The following NRP1 variants were observed in gnomAD, a reference collection of about 807,000 sequenced individuals.
The protein encoded by NRP1 is neuropilin 1, also known as neuropilin-1.
Under a neutral mutation model 106.7 loss-of-function variants are expected in NRP1, and 35 were observed. The ratio of observed to expected loss-of-function variants is 0.33; its 90% confidence interval spans 0.25 to 0.43. The LOEUF (loss-of-function observed/expected upper bound fraction) is 0.43, where lower values mean the gene tolerates loss of function less well. Among genes scored for constraint, NRP1 ranks in the 20% least tolerant of loss-of-function variants. NRP1 has a pLI of 1.00. For synonymous variants in NRP1, 437 were observed against 417.9 expected (o/e 1.05, Z -0.56); for missense variants, 1,024 against 1,170.4 (o/e 0.87, Z 1.83).
intron 2 of NRP1, among the ~76,000 whole-genome samples, chr10:33,308,102 A>T (rs554257510): frequency 1.2e-3 from 181 of 152,310 alleles, no homozygotes; most frequent in Non-Finnish European, 2.2e-3. Flanking sequence ...ATCCTAAATG[A>T]ACTAGTGCAC....
rs540732069 is a variant in NRP1, at chr10:33,178,088, CA to C, written c.*1987del. 22 of 152,528 alleles carry C rather than the reference CA, an allele frequency of 1.4e-4. No individual in the cohort carries two copies. The highest frequency in any genetic ancestry group is 4.1e-4 in the African/African-American group (17 of 41,500). The allele number at this position is 152,528 out of a possible 1,614,324, so 9.4% of individuals were successfully genotyped here. A position where few individuals can be genotyped will look rare whatever the true frequency, so the allele number is the denominator to read the frequency against. ...TCAACTAAATGAATGTCTCTGGGGA[CA>C]AAAAACTATTCTTCTTTCATGGTGA... On this transcript the variant is annotated 3_prime_UTR_variant, in exon 17 of 17. Transcript: ENST00000374867.
In NRP1 at chr10:33,216,230, C is replaced by T. The variant is rs545260946; in HGVS notation, c.1283-2513G>A. ...TTGGCTCACTGCAAGCTCCACCTCC[C>T]GGGTTCACGCCATTCTCCTGCCTCA... On this transcript the variant is annotated intron_variant, in intron 8 of 16. Coordinates refer to ENST00000374867, the MANE Select transcript of NRP1 (RefSeq NM_003873.7). 1.4e-4 allele frequency among the ~76,000 whole-genome samples: 21 copies of T among 150,132 alleles called. No homozygotes were observed. The South Asian group carries it at 3.0e-3, about 21-fold the overall frequency.
chr10:33,263,608 G>A, intron 4 of NRP1, 38 bp downstream of exon 4: 6 of 1,515,238 alleles, frequency 4.0e-6, no homozygotes, highest in South Asian at 1.1e-5. Flanking sequence ...CCTTCCTCCA[G>A]AACCTTCCCT....
chr10:33,254,680 T>C (rs1054229383), intron 5 of NRP1, among the ~76,000 whole-genome samples: 2 of 152,234 alleles, frequency 1.3e-5, no homozygotes, highest in African/African-American at 4.8e-5. Context: ...GATTCTACTA[T>C]TGGCACCCAG....
intron 6 of NRP1, among the ~76,000 whole-genome samples, chr10:33,230,489 C>T (rs1358908415): frequency 6.6e-6 from 1 of 152,192 alleles, no homozygotes; most frequent in Non-Finnish European, 1.5e-5. Flanking sequence ...TTCTCCCCCT[C>T]TACTCTACCA....
chr10:33,195,688 T>C lies in NRP1; in HGVS notation c.1924+1962A>G, dbSNP rs530534160. The stretch of plus-strand genomic sequence containing the variant: ...ATGCTCAAGTCCCCATGCAATATTC[T>C]GGGCATTGACTTAGCCAGAAGGTGA... On this transcript the variant is annotated intron_variant, in intron 12 of 16. Coordinates refer to ENST00000374867, the MANE Select transcript of NRP1 (RefSeq NM_003873.7). 353 of 424,524 alleles carry C rather than the reference T, an allele frequency of 8.3e-4. 3 individuals are homozygous for C. The highest frequency in any genetic ancestry group is 1.4e-3 in the Non-Finnish European group (301 of 209,812). 26.3% of individuals were successfully genotyped at this position (424,524 alleles called of 1,614,324 possible).
rs1225080937 is a variant in NRP1 at position 33,221,883 on chromosome 10, G to A, written c.1138-20C>T. 3.8e-6 allele frequency: 6 copies of A among 1,588,922 alleles called. No individual in the cohort carries two copies. The East Asian group carries it at 1.4e-4, about 36-fold the overall frequency. On this transcript the variant is annotated intron_variant, in intron 7 of 16. Coordinates refer to ENST00000374867, the MANE Select transcript of NRP1 (RefSeq NM_003873.7). ...AAAGAGCTGTATGGGGAAAAAAAGT[G>A]CCTTTCTTTAGCAGAGGTTTTGGAT...
At chr10:33,205,413 G>T (rs1030858040) in intron 10 of NRP1, 1 of 152,242 alleles carries the variant, frequency 6.6e-6, no homozygotes, top group African/African-American at 2.4e-5. Flanking sequence ...ATTGCCTGCT[G>T]CCTAGACAAG....
intron 4 of NRP1, among the ~76,000 whole-genome samples, chr10:33,257,579 T>C (rs7098579): frequency 0.55 from 84,281 of 152,038 alleles, 24,608 homozygotes; most frequent in African/African-American, 0.74. Context: ...GAGCCAGGAT[T>C]GCACCACTGC....
In NRP1 at chr10:33,179,032, G is replaced by C. The variant is rs887243752; in HGVS notation, c.*1044C>G. 3 of 152,600 alleles carry C rather than the reference G, an allele frequency of 2.0e-5. No individual in the cohort carries two copies. The highest frequency in any genetic ancestry group is 2.9e-5 in the Non-Finnish European group (2 of 68,044). 9.5% of individuals were successfully genotyped at this position (152,600 alleles called of 1,614,324 possible). ...AGAGATAGGAGAGAGAAAGAGAAGA[G>C]AGTTTACATTTGAAAATACATTCCA... On this transcript the variant is annotated 3_prime_UTR_variant, in exon 17 of 17. Coordinates refer to ENST00000374867, the MANE Select transcript of NRP1 (RefSeq NM_003873.7).
chr10:33,237,597 T>TTTTTA (rs1840678503), intron 6 of NRP1, among the ~76,000 whole-genome samples: 2 of 117,488 alleles, frequency 1.7e-5, no homozygotes, highest in Non-Finnish European at 1.7e-5. Flanking sequence ...TTTTTTTTTT[T>TTTTTA]GAGATGGAGT....
At chr10:33,259,278 C>T (rs1346356326) in intron 4 of NRP1, among the ~76,000 whole-genome samples, 1 of 152,146 alleles carries the variant, frequency 6.6e-6, no homozygotes, top group Non-Finnish European at 1.5e-5. Context: ...GAACACTGCC[C>T]CCGGACAACA....
intron 9 of NRP1, among the ~76,000 whole-genome samples, chr10:33,210,996 C>A (rs986322456): frequency 9.9e-5 from 15 of 152,120 alleles, no homozygotes; most frequent in African/African-American, 2.9e-4. Context: ...AACGAAGAAG[C>A]TTTTACAGTT....
At position 33,213,638 on chromosome 10, in the gene NRP1, G is replaced by T. The variant is rs757471637; in HGVS notation, c.1362C>A (p.Asp454Glu). Reference protein sequence around the residue: ...DSQITSSNQGDRNWMPENIRL... With the variant: ...DSQITSSNQGERNWMPENIRL... ...GGATGTTTTCAGGCATCCAGTTTCT[G>T]TCCCCTTGGTTGGATGATGTGATCT... Residue 454 changes from aspartate (D) to glutamate (E), a missense_variant, in exon 9 of 17, where the codon GAC (aspartate) becomes GAA (glutamate). Transcript: ENST00000374867. 6.2e-7 allele frequency: 1 copy of T among 1,614,042 alleles called. No homozygotes were observed. Among genetic ancestry groups the T allele is most frequent in the East Asian group, 2.2e-5 (1 of 44,870 alleles).
chr10:33,254,288 T>A, intron 5 of NRP1, 94 bp from the exon 6 acceptor site: 1 of 1,130,288 alleles, frequency 8.8e-7, no homozygotes, highest in Non-Finnish European at 1.2e-6. Context: ...AGTTCTTTCA[T>A]TCAAAATTCT....
At chr10:33,313,344 G>T (rs1240233594) in intron 2 of NRP1, among the ~76,000 whole-genome samples, 2 of 151,968 alleles carry the variant, frequency 1.3e-5, no homozygotes, top group African/African-American at 4.8e-5. Flanking sequence ...GAAGAAGAAA[G>T]CAAAAAGTAG....
chr10:33,271,799 G>A (rs1019444280), intron 2 of NRP1, among the ~76,000 whole-genome samples: 1 of 152,110 alleles, frequency 6.6e-6, no homozygotes, highest in African/African-American at 2.4e-5. Flanking sequence ...AAATAAGAAA[G>A]CTTTTGTCTA....
At chr10:33,208,942 T>C (rs1838051610) in intron 9 of NRP1, among the ~76,000 whole-genome samples, 1 of 141,356 alleles carries the variant, frequency 7.1e-6, no homozygotes, top group Admixed American at 7.3e-5. Context: ...AGCCTTGCTC[T>C]GTCACCCAGG....
chr10:33,266,638 G>A (rs1842935196), intron 3 of NRP1, among the ~76,000 whole-genome samples: 1 of 152,182 alleles, frequency 6.6e-6, no homozygotes, highest in African/African-American at 2.4e-5. Context: ...GAATACACGT[G>A]ATAGTGTTTG....
Sources: allele counts gnomAD v4.1 joint callset (sites outside exome capture counted in the v4.1 genomes callset), GRCh38; gene constraint gnomAD v4.1.1; transcripts MANE v1.5; gene names NCBI Gene and HGNC (gene_info 2026-07-23, HGNC 2026-07-21).